The following DCAF6 variants were observed in gnomAD, a reference collection of about 807,000 sequenced individuals.
The protein encoded by DCAF6 is DDB1 and CUL4 associated factor 6.
In DCAF6, 54 loss-of-function variants were observed where a neutral mutation model predicts 125.1. The observed-to-expected ratio is 0.43, with a 90% CI of 0.35 to 0.54. The LOEUF is 0.54. DCAF6 is among the 20% of genes least tolerant of loss of function. DCAF6 has a pLI of 0.01. For synonymous variants in DCAF6, 371 were observed against 390.4 expected, an observed-to-expected ratio of 0.95 and a Z score of 0.58; for missense variants, 934 against 1,161.7, an observed-to-expected ratio of 0.80 and a Z score of 2.85.
intron 10 of DCAF6, among the ~76,000 whole-genome samples, chr1:168,014,594 A>G (rs909416829): frequency 6.6e-6 from 1 of 152,148 alleles, no homozygotes; most frequent in Non-Finnish European, 1.5e-5. Flanking sequence ...CTTTCCCCCA[A>G]CACTACTTGT....
chr1:167,931,558 T>C (rs1180220243), upstream of DCAF6, among the ~76,000 whole-genome samples: 2 of 151,930 alleles, frequency 1.3e-5, no homozygotes, highest in Non-Finnish European at 2.9e-5. Flanking sequence ...TAAGAATATA[T>C]ATGGACATAT....
intron 6 of DCAF6, among the ~76,000 whole-genome samples, chr1:167,991,761 C>G (rs1344144130): frequency 6.6e-6 from 1 of 152,162 alleles, no homozygotes; most frequent in Non-Finnish European, 1.5e-5. Flanking sequence ...AGATGAATCA[C>G]TCTTAATCTC....
At chr1:167,931,812 T>G (rs1249531250), upstream of DCAF6, among the ~76,000 whole-genome samples, 3 of 152,220 alleles carry the variant, frequency 2.0e-5, no homozygotes, top group African/African-American at 7.2e-5. Flanking sequence ...ATGATACAGA[T>G]ATTTCCTTAT....
chr1:167,920,437 TTTGTGTGTGGGTGTATTTCA>T, the DCAF6 span: 1 of 1,099,288 alleles, frequency 9.1e-7, no homozygotes, highest in Non-Finnish European at 1.3e-6. Flanking sequence ...TGTTAATTCC[TTTGTGTGTGGGTGTATTTCA>T]AACACTAAGC....
chr1:167,901,645 C>G, the DCAF6 span: 1 of 1,613,516 alleles, frequency 6.2e-7, no homozygotes, highest in Non-Finnish European at 8.5e-7. Context: ...AGGATTTATT[C>G]CTTCTCAAAT....
chr1:168,019,414 C>T (rs777364772), intron 11 of DCAF6: 57 of 298,940 alleles, frequency 1.9e-4, no homozygotes, highest in Non-Finnish European at 3.5e-4. Context: ...TAAAGGCCCC[C>T]ATAAGGTTGA....
chr1:168,039,691 AAATATTT>A (rs922864786), intron 13 of DCAF6, among the ~76,000 whole-genome samples: 118 of 144,724 alleles, frequency 8.2e-4, no homozygotes, highest in African/African-American at 2.6e-3. Flanking sequence ...TTAATATATT[AAATATTT>A]AATTGTATAT....
intron 2 of DCAF6, among the ~76,000 whole-genome samples, chr1:167,965,317 G>A (rs1392243627): frequency 2.0e-5 from 3 of 152,156 alleles, no homozygotes; most frequent in African/African-American, 7.2e-5. Context: ...GATTAGGCTG[G>A]AGTTATGTAT....
chr1:167,870,234 A>G, the DCAF6 span: 3 of 1,613,902 alleles, frequency 1.9e-6, no homozygotes, highest in South Asian at 3.3e-5. Context: ...GTTCACACAG[A>G]ACAATCATTC....
At chr1:168,033,550 C>T (rs1687414137) in intron 12 of DCAF6, among the ~76,000 whole-genome samples, 1 of 152,002 alleles carries the variant, frequency 6.6e-6, no homozygotes, top group South Asian at 2.1e-4. Flanking sequence ...ATCTTCTGAC[C>T]TCATGATCCA....
At chr1:167,987,938 C>T (rs1363927379) in intron 5 of DCAF6, among the ~76,000 whole-genome samples, 2 of 151,960 alleles carry the variant, frequency 1.3e-5, no homozygotes, top group Non-Finnish European at 2.9e-5. Flanking sequence ...AAATGTATCT[C>T]ATTTACTCAT....
intron 12 of DCAF6, among the ~76,000 whole-genome samples, chr1:168,030,584 A>G (rs750080713): frequency 4.6e-5 from 7 of 152,196 alleles, no homozygotes; most frequent in Non-Finnish European, 1.0e-4. Context: ...AAAGTAAGGT[A>G]GGAGAGATGT....
the DCAF6 span, among the ~76,000 whole-genome samples, chr1:167,888,731 C>T: frequency 6.6e-6 from 1 of 151,846 alleles, no homozygotes; most frequent in Admixed American, 6.6e-5. Context: ...AAAAAATTAG[C>T]GGGGCGTGGT....
At chr1:168,001,615 CTG>C (rs774643412) in intron 7 of DCAF6, among the ~76,000 whole-genome samples, 174 of 152,134 alleles carry the variant, frequency 1.1e-3, no homozygotes, top group Non-Finnish European at 1.8e-3. Context: ...AGCTGTAAAA[CTG>C]AGATTTTATG....
intron 2 of DCAF6, among the ~76,000 whole-genome samples, chr1:167,965,179 G>A (rs1203858342): frequency 6.6e-6 from 1 of 152,198 alleles, no homozygotes; most frequent in Non-Finnish European, 1.5e-5. Flanking sequence ...AAGTGTAGGA[G>A]GAGAGGAAGT....
the DCAF6 span, among the ~76,000 whole-genome samples, chr1:167,888,098 G>A: frequency 0.53 from 80,710 of 152,026 alleles, 21,903 homozygotes; most frequent in Middle Eastern, 0.64. Flanking sequence ...AGATGTATGA[G>A]TTTATTTCTT....
the DCAF6 span, chr1:167,883,408 T>C: frequency 6.2e-7 from 1 of 1,607,200 alleles, no homozygotes; most frequent in Non-Finnish European, 8.5e-7. Flanking sequence ...AAACTATTGG[T>C]AGGTTCCCAT....
At chr1:167,914,706 G>T in the DCAF6 span, among the ~76,000 whole-genome samples, 1 of 152,154 alleles carries the variant, frequency 6.6e-6, no homozygotes, top group Non-Finnish European at 1.5e-5. Context: ...TTTTCTAACA[G>T]CTTAAATCAT....
At chr1:167,957,985 G>A (rs551189627) in intron 2 of DCAF6, among the ~76,000 whole-genome samples, 1 of 152,042 alleles carries the variant, frequency 6.6e-6, no homozygotes, top group Admixed American at 6.5e-5. Flanking sequence ...TTTTTAATTG[G>A]ATTGTTTGTC....
Sources: allele counts gnomAD v4.1 joint callset (sites outside exome capture counted in the v4.1 genomes callset), GRCh38; gene constraint gnomAD v4.1.1; transcripts MANE v1.5; gene names NCBI Gene and HGNC (gene_info 2026-07-23, HGNC 2026-07-21).